The following CALN1 variants were observed in gnomAD, a reference collection of about 807,000 sequenced individuals.
CALN1 encodes calcium-binding protein 8.
Under a neutral mutation model 30.6 loss-of-function variants are expected in CALN1, and 17 were observed. The ratio of observed to expected loss-of-function variants is 0.56; its 90% CI spans 0.38 to 0.83. The LOEUF is 0.83. Among genes scored for constraint, CALN1 ranks in the 40% least tolerant of loss-of-function variants. The pLI, the probability that CALN1 is intolerant of heterozygous loss-of-function variation, is 0.00. For missense variants in CALN1, 291 were observed against 354.9 expected, an observed-to-expected ratio of 0.82 and a Z score of 1.45; for synonymous variants, 156 against 131.4, an observed-to-expected ratio of 1.19 and a Z score of -1.28.
chr7:72,154,911 G>C (rs993732920), intron 3 of CALN1, among the ~76,000 whole-genome samples: 1 of 151,158 alleles, frequency 6.6e-6, no homozygotes, highest in Non-Finnish European at 1.5e-5. Context: ...TTTTTAATTA[G>C]CTGGGCATGG....
intron 1 of CALN1, among the ~76,000 whole-genome samples, chr7:72,419,522 G>A (rs1204958597): frequency 6.6e-6 from 1 of 152,096 alleles, no homozygotes; most frequent in Non-Finnish European, 1.5e-5. Context: ...ATGAATACGG[G>A]TGTCCCAGAA....
intron 3 of CALN1, among the ~76,000 whole-genome samples, chr7:72,266,302 T>C (rs1796592396): frequency 6.6e-6 from 1 of 152,200 alleles, no homozygotes; most frequent in South Asian, 2.1e-4. Context: ...GAGGTAAGGT[T>C]GAAAGCCACC....
intron 4 of CALN1, among the ~76,000 whole-genome samples, chr7:72,033,532 T>C (rs1373474938): frequency 6.6e-6 from 1 of 152,080 alleles, no homozygotes; most frequent in African/African-American, 2.4e-5. Flanking sequence ...GAACGCAGGG[T>C]CCAGACAGGT....
intron 3 of CALN1, 91 bp from the exon 4 acceptor site, chr7:72,106,385 C>G: frequency 6.7e-7 from 1 of 1,498,060 alleles, no homozygotes; most frequent in African/African-American, 1.4e-5. Context: ...GAACTCCTAA[C>G]TGCTTTAAAA....
chr7:71,825,889 C>T lies in CALN1; in HGVS notation c.502-15397G>A, dbSNP rs371638111. Among the ~76,000 whole-genome samples the T allele has an allele frequency of 4.0e-5, 6 of 151,670 alleles. No homozygotes were observed. The South Asian group carries it at 6.2e-4, about 16-fold the overall frequency. The stretch of plus-strand genomic sequence containing the variant: ...TTCTACTAAAAATACAAAAATTAGC[C>T]GGGCGTGGTGGCAGGCGCCTGTGAT... On this transcript the variant is annotated intron_variant, in intron 5 of 6. Transcript: ENST00000395275.
rs141983333 is a variant in CALN1, at chr7:72,368,098, G to A, written c.119+35153C>T. ...ACTGCGCCACTGCACTCCAGCATGG[G>A]CGACAAAGCGAAGACTCCGTCTCAA... On this transcript the variant is annotated intron_variant, in intron 2 of 6. Transcript: ENST00000395275. Among the ~76,000 whole-genome samples, 691 of 152,036 alleles carry A rather than the reference G, an allele frequency of 4.5e-3. 27 individuals carry two copies. The highest frequency in any genetic ancestry group is 7.2e-4 in the Non-Finnish European group (49 of 68,012).
intron 3 of CALN1, among the ~76,000 whole-genome samples, chr7:72,265,876 G>A (rs1188693693): frequency 2.0e-5 from 3 of 152,010 alleles, no homozygotes; most frequent in Non-Finnish European, 4.4e-5. Flanking sequence ...GCTCATACCT[G>A]TAATCCCAGC....
intron 5 of CALN1, among the ~76,000 whole-genome samples, chr7:71,819,369 C>T (rs538808676): frequency 1.4e-4 from 22 of 151,964 alleles, no homozygotes; most frequent in African/African-American, 3.4e-4. Flanking sequence ...CCACCACACC[C>T]GGCTAATTCT....
intron 3 of CALN1, among the ~76,000 whole-genome samples, chr7:72,135,488 T>C (rs1289528960): frequency 6.6e-6 from 1 of 152,226 alleles, no homozygotes; most frequent in Non-Finnish European, 1.5e-5. Flanking sequence ...ATTAGAGCTC[T>C]TGGGTGACCA....
chr7:71,941,674 A>G (rs1278978267), intron 5 of CALN1, among the ~76,000 whole-genome samples: 1 of 152,246 alleles, frequency 6.6e-6, no homozygotes, highest in Admixed American at 6.5e-5. Flanking sequence ...ATGAGAAATT[A>G]GAGAAAAAAG....
chr7:72,277,646 G>A (rs368430915), intron 3 of CALN1, among the ~76,000 whole-genome samples: 1 of 152,148 alleles, frequency 6.6e-6, no homozygotes, highest in African/African-American at 2.4e-5. Flanking sequence ...AGAAGGAGAA[G>A]CTATTCAATG....
chr7:71,893,797 T>C (rs17144092), intron 5 of CALN1, among the ~76,000 whole-genome samples: 17,679 of 152,070 alleles, frequency 0.12, 1,493 homozygotes, highest in East Asian at 0.43. Context: ...AGGTTTCCTC[T>C]GAGCCTCTTT....
Position 71,795,448 on chromosome 7 carries a change from ATATT to A in CALN1, c.659-7550_659-7547del, listed in dbSNP as rs368591864. Among the ~76,000 whole-genome samples, 23 of 152,256 alleles carry A rather than the reference ATATT, an allele frequency of 1.5e-4. No individual in the cohort carries two copies. The East Asian group carries it at 1.9e-3, about 13-fold the overall frequency. ...ATTTGTTGTAATGATCTAGCTTTCA[ATATT>A]TATTTATTTTTAATTAAGATATAGT... On this transcript the variant is annotated intron_variant, in intron 6 of 6. Coordinates refer to ENST00000395275, the MANE Select transcript of CALN1 (RefSeq NM_031468.4).
chr7:72,011,293 G>C (rs566041148), intron 5 of CALN1, among the ~76,000 whole-genome samples: 52 of 152,280 alleles, frequency 3.4e-4, no homozygotes, highest in Middle Eastern at 6.8e-3. Flanking sequence ...CTGCTCCCCA[G>C]TGTCTGGCTG....
intron 6 of CALN1, among the ~76,000 whole-genome samples, chr7:71,799,096 TAGA>T (rs1787145690): frequency 1.3e-5 from 2 of 152,168 alleles, no homozygotes. Context: ...AAAAAATAAC[TAGA>T]AGAAGATAAC....
intron 3 of CALN1, among the ~76,000 whole-genome samples, chr7:72,202,353 T>A (rs1791496975): frequency 1.3e-5 from 2 of 151,992 alleles, no homozygotes; most frequent in Admixed American, 1.3e-4. Flanking sequence ...ATATAATAAA[T>A]TTTTCAGAAT....
intron 3 of CALN1, among the ~76,000 whole-genome samples, chr7:72,178,316 T>C (rs1181913663): frequency 6.6e-6 from 1 of 150,688 alleles, no homozygotes; most frequent in East Asian, 2.0e-4. Context: ...ATGGGAAGTA[T>C]AACTGTTGGA....
intron 3 of CALN1, among the ~76,000 whole-genome samples, chr7:72,271,302 C>A (rs371822378): frequency 4.3e-4 from 66 of 152,154 alleles, no homozygotes; most frequent in African/African-American, 1.3e-3. Context: ...CAACAAAAAC[C>A]AACCCCAGGA....
intron 3 of CALN1, among the ~76,000 whole-genome samples, chr7:72,118,881 A>G (rs1413386567): frequency 2.0e-5 from 3 of 152,218 alleles, no homozygotes; most frequent in Non-Finnish European, 1.5e-5. Flanking sequence ...AACAGCTGCA[A>G]GTCCAGAGGA....
Sources: gnomAD v4.1 joint callset for allele counts (sites outside exome capture counted in the v4.1 genomes callset) on GRCh38, gnomAD v4.1.1 for gene constraint, MANE v1.5 for transcripts, NCBI Gene and HGNC (gene_info 2026-07-23, HGNC 2026-07-21) for gene names.